The following DDX10 variants were observed in gnomAD, a reference collection of about 807,000 sequenced individuals.
The protein encoded by DDX10 is DEAD-box helicase 10, also known as probable ATP-dependent RNA helicase DDX10.
DDX10 carries 74 observed loss-of-function variants against 104.3 expected under a neutral mutation model. That is an observed-to-expected ratio of 0.71 (90% CI 0.59 to 0.86). The LOEUF is 0.86. DDX10 is among the 40% of genes least tolerant of loss of function. DDX10 has a pLI of 0.00. For missense variants in DDX10, 952 were observed against 1,040.0 expected (o/e 0.92, Z 1.16); for synonymous variants, 351 against 353.4 (o/e 0.99, Z 0.08).
intron 13 of DDX10, among the ~76,000 whole-genome samples, chr11:108,770,911 T>A (rs1051399549): frequency 6.6e-6 from 1 of 152,162 alleles, no homozygotes; most frequent in East Asian, 1.9e-4. Context: ...TAGTTTTTTT[T>A]TGTGGAGTTT....
At chr11:108,691,839 T>A (rs1185299637) in intron 7 of DDX10, 37 bp from the exon 8 acceptor site, 1 of 1,582,544 alleles carries the variant, frequency 6.3e-7, no homozygotes, top group East Asian at 2.3e-5. Flanking sequence ...TGCTGCCATC[T>A]GCCATAAGCA....
chr11:108,705,679 A>G (rs992619787), intron 9 of DDX10, among the ~76,000 whole-genome samples: 1 of 152,126 alleles, frequency 6.6e-6, no homozygotes, highest in African/African-American at 2.4e-5. Context: ...TGCTTCTCAC[A>G]TTTTATAGTA....
At chr11:108,853,220 G>A (rs183973171) in intron 16 of DDX10, among the ~76,000 whole-genome samples, 9 of 152,172 alleles carry the variant, frequency 5.9e-5, no homozygotes, top group Admixed American at 3.3e-4. Flanking sequence ...ATGCTTTAAC[G>A]TGCAGGCGTG....
intron 10 of DDX10, among the ~76,000 whole-genome samples, chr11:108,708,093 A>G (rs895391993): frequency 7.2e-5 from 11 of 152,010 alleles, no homozygotes; most frequent in African/African-American, 2.7e-4. Flanking sequence ...TGGCTACACC[A>G]TTTTGAATTC....
chr11:108,733,183 T>C (rs1199953265), intron 13 of DDX10, among the ~76,000 whole-genome samples: 13 of 152,056 alleles, frequency 8.5e-5, no homozygotes, highest in African/African-American at 3.1e-4. Context: ...AAAACACAGA[T>C]TAGCTAACTT....
chr11:108,796,664 T>C (rs1174695650), intron 13 of DDX10, among the ~76,000 whole-genome samples: 1 of 152,202 alleles, frequency 6.6e-6, no homozygotes, highest in Non-Finnish European at 1.5e-5. Flanking sequence ...TCCTTTGGTA[T>C]GTAAAGAGAG....
intron 13 of DDX10, among the ~76,000 whole-genome samples, chr11:108,830,634 G>T (rs935642746): frequency 2.0e-5 from 3 of 152,012 alleles, no homozygotes; most frequent in Admixed American, 6.6e-5. Context: ...CAGTTCTCAG[G>T]GGGGGAATGC....
intron 16 of DDX10, 87 bp downstream of exon 16, chr11:108,852,296 A>C: frequency 1.1e-6 from 1 of 907,548 alleles, no homozygotes; most frequent in East Asian, 2.7e-5. Context: ...AACAATGCTT[A>C]TAATGTTAAA....
chr11:108,837,505 C>T (rs1181707048), intron 13 of DDX10, among the ~76,000 whole-genome samples: 2 of 146,170 alleles, frequency 1.4e-5, no homozygotes, highest in Non-Finnish European at 3.0e-5. Flanking sequence ...TAAGCAGTGG[C>T]TTTGAATTTT....
chr11:108,692,737 G>A (rs1179198592), intron 8 of DDX10, among the ~76,000 whole-genome samples: 2 of 152,004 alleles, frequency 1.3e-5, no homozygotes, highest in Non-Finnish European at 2.9e-5. Flanking sequence ...GTACTCTAAA[G>A]CATATCTCAG....
chr11:108,676,910 G>A (rs575300439), intron 3 of DDX10, among the ~76,000 whole-genome samples, 175 bp from the exon 4 acceptor site: 1 of 152,062 alleles, frequency 6.6e-6, no homozygotes, highest in Admixed American at 6.6e-5. Flanking sequence ...TCTGAGTTGG[G>A]GGTGGATGGT....
At chr11:108,854,725 A>G (rs1862842145) in intron 16 of DDX10, among the ~76,000 whole-genome samples, 1 of 43,480 alleles carries the variant, frequency 2.3e-5, no homozygotes, top group Non-Finnish European at 5.4e-5. Flanking sequence ...TAAAGGACAC[A>G]GTATTTTTTT....
chr11:108,665,431 C>T, intron 1 of DDX10, 92 bp downstream of exon 1: 1 of 1,400,308 alleles, frequency 7.1e-7, no homozygotes, highest in Non-Finnish European at 9.4e-7. Flanking sequence ...GGCGGCGGAT[C>T]TGTCACCGGG....
At position 108,802,236 on chromosome 11, in the gene DDX10, C is replaced by A. The variant is rs187364903; in HGVS notation, c.1966-36210C>A. On this transcript the variant is annotated intron_variant, in intron 13 of 17. Transcript: ENST00000322536. ...TGCATTATATTTACCAGTTCAGCAT[C>A]CAAAATCCAAAAATCTGAAATCTGA... 3.0e-4 allele frequency among the ~76,000 whole-genome samples: 45 copies of A among 152,028 alleles called. No homozygotes were observed. In the East Asian group the frequency reaches 7.4e-3, roughly 25 times the overall value.
intron 10 of DDX10, among the ~76,000 whole-genome samples, chr11:108,714,935 A>T (rs2134468629): frequency 6.6e-6 from 1 of 152,084 alleles, no homozygotes; most frequent in Non-Finnish European, 1.5e-5. Flanking sequence ...TTATAATAAA[A>T]ATAAGTAAAA....
At chr11:108,810,743 T>G (rs1337491061) in intron 13 of DDX10, among the ~76,000 whole-genome samples, 1 of 152,200 alleles carries the variant, frequency 6.6e-6, no homozygotes, top group Non-Finnish European at 1.5e-5. Flanking sequence ...CTAGAAATCC[T>G]GGGAATTTTA....
At chr11:108,885,514 C>T (rs372732177) in intron 16 of DDX10, among the ~76,000 whole-genome samples, 4 of 151,930 alleles carry the variant, frequency 2.6e-5, no homozygotes, top group East Asian at 1.9e-4. Context: ...CCCGCCAGCA[C>T]GCCTGGTTAA....
In DDX10 at chr11:108,670,889, C is replaced by T. The variant is rs115326745; in HGVS notation, c.187-2578C>T. Among the ~76,000 whole-genome samples the T allele has an allele frequency of 3.4e-3, 511 of 151,858 alleles. 4 individuals carry two copies. Among genetic ancestry groups the T allele is most frequent in the African/African-American group, 0.012 (488 of 41,394 alleles). On this transcript the variant is annotated intron_variant, in intron 1 of 17. Coordinates refer to ENST00000322536, the MANE Select transcript of DDX10 (RefSeq NM_004398.4). Reference sequence around the variant, plus strand: ...CGGCAACAGGTGGAGCATTCTAGGGCGTTTCAATGCTTTTTTCATCAGGCA... The same window carrying T: ...CGGCAACAGGTGGAGCATTCTAGGGTGTTTCAATGCTTTTTTCATCAGGCA...
intron 13 of DDX10, among the ~76,000 whole-genome samples, chr11:108,753,955 A>G (rs1591809732): frequency 1.3e-5 from 2 of 152,128 alleles, no homozygotes; most frequent in East Asian, 3.9e-4. Flanking sequence ...CATATATTAC[A>G]TTTATTATTG....
Sources: gnomAD v4.1 joint callset for allele counts (sites outside exome capture counted in the v4.1 genomes callset) on GRCh38, gnomAD v4.1.1 for gene constraint, MANE v1.5 for transcripts, NCBI Gene and HGNC (gene_info 2026-07-23, HGNC 2026-07-21) for gene names.